LRMDA: variants seen among roughly 807,000 people sequenced by gnomAD.
LRMDA encodes leucine rich melanocyte differentiation associated.
LRMDA carries 18 observed loss-of-function variants against 29.8 expected under a neutral mutation model. The observed-to-expected ratio is 0.60, with a 90% CI of 0.42 to 0.90. LRMDA has a LOEUF of 0.90. Among genes scored for constraint, LRMDA ranks in the 40% least tolerant of loss-of-function variants. The pLI is 0.00. For synonymous variants in LRMDA, 125 were observed against 109.4 expected (o/e 1.14, Z -0.89); for missense variants, 273 against 273.9 (o/e 1.00, Z 0.02).
At chr10:76,462,916 T>C (rs145522605) in intron 6 of LRMDA, among the ~76,000 whole-genome samples, 68 of 152,288 alleles carry the variant, frequency 4.5e-4, no homozygotes, top group African/African-American at 1.5e-3. Context: ...CTGTGCTCAA[T>C]AACCTTACAA....
In LRMDA at chr10:75,634,682, A is replaced by G. The variant is rs1469734726; in HGVS notation, c.131+196188A>G. Among the ~76,000 whole-genome samples, 7 of 152,380 alleles carry G rather than the reference A, an allele frequency of 4.6e-5. No homozygotes were observed. The East Asian group carries it at 1.2e-3, about 25-fold the overall frequency. On this transcript the variant is annotated intron_variant, in intron 2 of 6. Coordinates refer to ENST00000611255, the MANE Select transcript of LRMDA (RefSeq NM_001305581.2). ...ATGAAAAGGAGGAGATAAACATATCATTATTTTTGAGTGAACTCATTGCTA... is the reference window on the plus strand; with the variant it reads ...ATGAAAAGGAGGAGATAAACATATCGTTATTTTTGAGTGAACTCATTGCTA...
At chr10:76,515,008 T>G (rs1843045771) in intron 6 of LRMDA, among the ~76,000 whole-genome samples, 1 of 152,196 alleles carries the variant, frequency 6.6e-6, no homozygotes, top group Non-Finnish European at 1.5e-5. Flanking sequence ...CTGGCATGAT[T>G]ATGCAAGCTT....
chr10:75,558,238 T>C (rs1048993698), intron 2 of LRMDA, among the ~76,000 whole-genome samples: 2 of 151,428 alleles, frequency 1.3e-5, no homozygotes, highest in Non-Finnish European at 2.9e-5. Context: ...AGTACCTCCC[T>C]GAAAATTAGT....
At chr10:75,845,414 T>G (rs1215959819) in intron 2 of LRMDA, among the ~76,000 whole-genome samples, 1 of 152,210 alleles carries the variant, frequency 6.6e-6, no homozygotes. Context: ...TTTCAAAAAC[T>G]CCCACTCCAG....
intron 2 of LRMDA, among the ~76,000 whole-genome samples, chr10:75,483,707 T>A (rs1844877446): frequency 6.6e-6 from 1 of 152,210 alleles, no homozygotes; most frequent in Admixed American, 6.5e-5. Flanking sequence ...AATTTTATAA[T>A]AAGCCACCTT....
chr10:76,226,499 C>T (rs1428821424), intron 5 of LRMDA, among the ~76,000 whole-genome samples: 1 of 152,096 alleles, frequency 6.6e-6, no homozygotes, highest in African/African-American at 2.4e-5. Context: ...AGGAGAATTG[C>T]TTGAACTCAG....
At chr10:75,474,212 T>A (rs1318967573) in intron 2 of LRMDA, among the ~76,000 whole-genome samples, 1 of 152,362 alleles carries the variant, frequency 6.6e-6, no homozygotes, top group African/African-American at 2.4e-5. Context: ...CAGGATGAAC[T>A]GTCACAAAGA....
chr10:75,849,705 C>A (rs1844699334), intron 2 of LRMDA, among the ~76,000 whole-genome samples: 1 of 152,130 alleles, frequency 6.6e-6, no homozygotes, highest in South Asian at 2.1e-4. Context: ...CACCATGGTA[C>A]ACGTTTACCT....
intron 2 of LRMDA, among the ~76,000 whole-genome samples, chr10:75,504,276 G>A (rs899430316): frequency 2.0e-5 from 3 of 152,144 alleles, no homozygotes; most frequent in Non-Finnish European, 2.9e-5. Context: ...TTATAGGCGT[G>A]AGCCACGGCA....
At chr10:76,379,073 T>A (rs918635505) in intron 6 of LRMDA, among the ~76,000 whole-genome samples, 2 of 152,006 alleles carry the variant, frequency 1.3e-5, no homozygotes, top group Admixed American at 1.3e-4. Flanking sequence ...GCCAGGCTGG[T>A]CTCAGACTCC....
At chr10:76,072,175 C>T (rs1409488164) in intron 5 of LRMDA, among the ~76,000 whole-genome samples, 1 of 152,158 alleles carries the variant, frequency 6.6e-6, no homozygotes, top group Non-Finnish European at 1.5e-5. Flanking sequence ...CTAATTATAG[C>T]CCCTGCCACA....
chr10:76,302,532 G>T (rs945765375), intron 5 of LRMDA, among the ~76,000 whole-genome samples: 4 of 151,944 alleles, frequency 2.6e-5, no homozygotes, highest in South Asian at 2.1e-4. Context: ...TCTTTTTTTT[G>T]GGGGGTGGTG....
intron 2 of LRMDA, among the ~76,000 whole-genome samples, chr10:75,476,157 G>C (rs769526154): frequency 8.5e-5 from 13 of 152,216 alleles, no homozygotes; most frequent in Admixed American, 7.2e-4. Flanking sequence ...TGTTCTCACT[G>C]GGTTTCTCTT....
At chr10:75,743,225 G>A (rs1482911382) in intron 2 of LRMDA, among the ~76,000 whole-genome samples, 1 of 152,120 alleles carries the variant, frequency 6.6e-6, no homozygotes, top group Non-Finnish European at 1.5e-5. Context: ...TATCATCAAG[G>A]CTTTGTCCTG....
chr10:76,456,027 T>C lies in LRMDA; in HGVS notation c.602-101182T>C, dbSNP rs1055310006. The stretch of plus-strand genomic sequence containing the variant: ...TGCTAGTATTTCTCCTCTTCCTCCT[T>C]AGGGGCTGGGTTGTTGGGCTTGGGA... On this transcript the variant is annotated intron_variant, in intron 6 of 6. Transcript: ENST00000611255. Among the ~76,000 whole-genome samples the C allele has an allele frequency of 9.9e-5, 15 of 152,138 alleles. 1 individual carries two copies. The highest frequency in any genetic ancestry group is 1.5e-5 in the Non-Finnish European group (1 of 68,004).
chr10:76,423,494 A>T lies in LRMDA; in HGVS notation c.601+99009A>T, dbSNP rs943361081. ...CCATAGCCTTGATTTCTTCTCTGAC[A>T]AAATGGGCATAGCAATCATACCCTT... On this transcript the variant is annotated intron_variant, in intron 6 of 6. Coordinates refer to ENST00000611255, the MANE Select transcript of LRMDA (RefSeq NM_001305581.2). 2.6e-5 allele frequency among the ~76,000 whole-genome samples: 4 copies of T among 152,240 alleles called. No homozygotes were observed. In the South Asian group the frequency reaches 8.3e-4, roughly 31 times the overall value.
intron 2 of LRMDA, among the ~76,000 whole-genome samples, chr10:75,819,990 C>T (rs534743634): frequency 6.6e-6 from 1 of 152,198 alleles, no homozygotes; most frequent in South Asian, 2.1e-4. Flanking sequence ...ATACATGCAC[C>T]AAATACTAGA....
At chr10:76,536,301 CTT>C (rs1843290667) in intron 6 of LRMDA, among the ~76,000 whole-genome samples, 1 of 152,098 alleles carries the variant, frequency 6.6e-6, no homozygotes, top group Admixed American at 6.5e-5. Flanking sequence ...TCTTGTAACT[CTT>C]TTTGTTTTAA....
intron 6 of LRMDA, among the ~76,000 whole-genome samples, chr10:76,469,595 G>C (rs1842597954): frequency 2.6e-5 from 4 of 152,080 alleles, no homozygotes; most frequent in Admixed American, 2.6e-4. Context: ...AAGCTCTGAA[G>C]CTCTCCTTAG....
Sources: gnomAD v4.1 joint callset for allele counts (sites outside exome capture counted in the v4.1 genomes callset) on GRCh38, gnomAD v4.1.1 for gene constraint, MANE v1.5 for transcripts, NCBI Gene and HGNC (gene_info 2026-07-23, HGNC 2026-07-21) for gene names.